The following CABIN1 variants were observed in gnomAD, a reference collection of about 807,000 sequenced individuals.
CABIN1 encodes calcineurin binding protein 1, also known as calcineurin-binding protein cabin-1.
In CABIN1, 133 loss-of-function variants were observed where a neutral mutation model predicts 227.7. The ratio of observed to expected loss-of-function variants is 0.58; its 90% confidence interval spans 0.51 to 0.67. The LOEUF is 0.67. Among genes scored for constraint, CABIN1 ranks in the 30% least tolerant of loss-of-function variants. The pLI, the probability that CABIN1 is intolerant of heterozygous loss-of-function variation, is 0.00. For synonymous variants in CABIN1, 1,086 were observed against 1,155.1 expected (o/e 0.94, Z 1.21); for missense variants, 2,408 against 2,852.5 (o/e 0.84, Z 3.55).
At chr22:24,109,889 G>A (rs1483954433) in intron 26 of CABIN1, among the ~76,000 whole-genome samples, 3 of 152,208 alleles carry the variant, frequency 2.0e-5, no homozygotes, top group Non-Finnish European at 2.9e-5. Context: ...ATAGTTCTCA[G>A]CCGGGCGTGG....
At chr22:24,076,308 A>G (rs758371141) in intron 19 of CABIN1, 24 bp downstream of exon 19, 1 of 1,586,966 alleles carries the variant, frequency 6.3e-7, no homozygotes, top group Non-Finnish European at 8.7e-7. Flanking sequence ...CTTGGGCTGC[A>G]GACTGCCAGT....
chr22:24,165,325 G>C lies in CABIN1; in HGVS notation c.4911-205G>C, dbSNP rs555089429. Among the ~76,000 whole-genome samples, 7 of 152,366 alleles carry C rather than the reference G, an allele frequency of 4.6e-5. No homozygotes were observed. In the East Asian group the frequency reaches 7.7e-4, roughly 17 times the overall value. On this transcript the variant is annotated intron_variant, in intron 30 of 36. Transcript: ENST00000263119. ...CAGAGGGCCTAAGGGCAACAGGCTG[G>C]TGCCGGGTCAGAGGCCTACTGGCTC...
chr22:24,071,158 A>G, intron 17 of CABIN1, 116 bp downstream of exon 17: 1 of 1,418,900 alleles, frequency 7.0e-7, no homozygotes, highest in Non-Finnish European at 9.8e-7. Context: ...AGGGGACATG[A>G]TGGCTTCTTT....
chr22:24,124,633 T>C (rs1294307226), intron 28 of CABIN1, among the ~76,000 whole-genome samples: 1 of 152,246 alleles, frequency 6.6e-6, no homozygotes, highest in African/African-American at 2.4e-5. Context: ...GGCCTGAGTC[T>C]ACACTCATAG....
intron 1 of CABIN1, among the ~76,000 whole-genome samples, chr22:24,019,120 GTTTTTTTTTTTTTTTTT>G (rs945660140): frequency 2.5e-5 from 1 of 40,176 alleles, no homozygotes; most frequent in Admixed American, 4.2e-4. Flanking sequence ...ACTGAGTGTT[GTTTTTTTTTTTTTTTTT>G]TTTTTTTTTT....
At chr22:24,022,647 G>C (rs2035806846) in intron 1 of CABIN1, among the ~76,000 whole-genome samples, 1 of 152,160 alleles carries the variant, frequency 6.6e-6, no homozygotes, top group Non-Finnish European at 1.5e-5. Flanking sequence ...AGTGTATGTT[G>C]AGTTTTATAA....
At chr22:24,098,227 G>A in intron 26 of CABIN1, 35 bp downstream of exon 26, 1 of 1,613,030 alleles carries the variant, frequency 6.2e-7, no homozygotes, top group Non-Finnish European at 8.5e-7. Context: ...CCAGCCCAGG[G>A]CGGCACATCA....
intron 27 of CABIN1, among the ~76,000 whole-genome samples, chr22:24,118,569 G>A (rs558399276): frequency 1.1e-3 from 172 of 152,266 alleles, no homozygotes; most frequent in Middle Eastern, 3.4e-3. Context: ...AGGGCGTGCC[G>A]TGCTCCTGAG....
chr22:24,017,212 T>C (rs2035367396), intron 1 of CABIN1, among the ~76,000 whole-genome samples: 1 of 152,020 alleles, frequency 6.6e-6, no homozygotes, highest in Non-Finnish European at 1.5e-5. Context: ...AATTTTTTTG[T>C]ATTTTTAGCA....
rs1354360612 is a variant in CABIN1, at chr22:24,135,651, C to T, written c.4746+1236C>T. Among the ~76,000 whole-genome samples, 9 of 152,366 alleles carry T rather than the reference C, an allele frequency of 5.9e-5. No homozygotes were observed. In the South Asian group the frequency reaches 1.7e-3, roughly 28 times the overall value. The stretch of plus-strand genomic sequence containing the variant: ...CTTACCTATCCACCGCCCCTCCCAG[C>T]ATGGCCAGCTCCCAGCTGGATGACT... On this transcript the variant is annotated intron_variant, in intron 29 of 36. Transcript: ENST00000263119.
At chr22:24,056,160 G>A (rs534063949) in intron 9 of CABIN1, 32 bp from the exon 10 acceptor site, 18 of 1,603,158 alleles carry the variant, frequency 1.1e-5, no homozygotes, top group South Asian at 3.3e-5. Flanking sequence ...CCCTGCCACC[G>A]TGTAAGATTT....
At position 24,056,197 on chromosome 22, in the gene CABIN1, A is replaced by C; in HGVS notation, c.1099A>C (p.Ile367Leu). The C allele has an allele frequency of 1.9e-6, 3 of 1,613,846 alleles. No individual in the cohort carries two copies. The highest frequency in any genetic ancestry group is 2.5e-6 in the Non-Finnish European group (3 of 1,179,898). The change falls in exon 10 of 37, where the codon ATT (isoleucine) becomes CTT (leucine). Residue 367 changes from isoleucine (I) to leucine (L), a missense_variant. Coordinates refer to ENST00000263119, the MANE Select transcript of CABIN1 (RefSeq NM_012295.4). ...LLETGAPVGD[I>L]SGGDKSKKGV... ...AATTTGCATTCTTTGTGAAGGTGAT[A>C]TTTCTGGGGGAGATAAATCCAAGAA...
At position 24,083,392 on chromosome 22, in the gene CABIN1, G is replaced by A; in HGVS notation, c.2910+3G>A. On this transcript the variant is annotated splice_donor_region_variant and intron_variant, in intron 20 of 36. Coordinates refer to ENST00000263119, the MANE Select transcript of CABIN1 (RefSeq NM_012295.4). ...TGGAGGAACACTCGGCCCAGCAGGT[G>A]AGGGTGCTGCAATAGGCCCAACAAA... is the stretch of plus-strand genomic sequence containing the variant. 6.2e-7 allele frequency: 1 copy of A among 1,613,890 alleles called. No individual in the cohort carries two copies. Among genetic ancestry groups the A allele is most frequent in the Non-Finnish European group, 8.5e-7 (1 of 1,180,022 alleles).
chr22:24,153,714 C>T (rs1004108320), intron 29 of CABIN1, among the ~76,000 whole-genome samples: 3 of 152,110 alleles, frequency 2.0e-5, no homozygotes, highest in Non-Finnish European at 2.9e-5. Flanking sequence ...GCACAGAGTG[C>T]AGGACATCGT....
chr22:24,113,645 A>G lies in CABIN1; in HGVS notation c.4197A>G (p.Leu1399=). 6.2e-7 allele frequency: 1 copy of G among 1,614,022 alleles called. No individual in the cohort carries two copies. ...ACTTCTTTAATGAGCCCACCAGCTT[A>G]CTGGAAGGCTCCAGGAAATCCTACA... ...TQDFFNEPTS[L]LEGSRKSYTE... The change falls in exon 27 of 37, where the codon TTA becomes TTG. Residue 1399 remains leucine, a synonymous_variant. Transcript: ENST00000263119.
At chr22:24,092,685 A>G (rs1207217953) in intron 24 of CABIN1, among the ~76,000 whole-genome samples, 1 of 97,798 alleles carries the variant, frequency 1.0e-5, no homozygotes, top group Non-Finnish European at 2.0e-5. Flanking sequence ...CCTGATTATA[A>G]AAGTGTGTGT....
chr22:24,119,575 G>A lies in CABIN1; in HGVS notation c.4509G>A (p.Glu1503=), dbSNP rs747739912. ...AGGGGCTGCCGGCTGGTGCTGAGGA[G>A]CAGCGGCAGTTTCTCACAGAGCAGT... is the stretch of plus-strand genomic sequence containing the variant. The part of the protein sequence containing the change: ...FPQGLPAGAE[E]QRQFLTEQCI... Residue 1503 remains glutamate (E), a synonymous_variant, in exon 28 of 37, where the codon GAG becomes GAA. Coordinates refer to ENST00000263119, the MANE Select transcript of CABIN1 (RefSeq NM_012295.4). 6.2e-7 allele frequency: 1 copy of A among 1,613,488 alleles called. No individual in the cohort carries two copies. The highest frequency in any genetic ancestry group is 1.1e-5 in the South Asian group (1 of 91,082).
chr22:24,036,169 A>G lies in CABIN1; in HGVS notation c.84A>G (p.Thr28=). The G allele has an allele frequency of 1.9e-6, 3 of 1,611,920 alleles. No homozygotes were observed. The highest frequency in any genetic ancestry group is 2.5e-6 in the Non-Finnish European group (3 of 1,178,204). ...GCTTTAAAAGTCACAAAACCCAGAC[A>G]AAGGAGGCTCAGGTACGTAATGCGA... ...EGSFKSHKTQ[T]KEAQEAEAFA... The change falls in exon 3 of 37, where the codon ACA becomes ACG. Residue 28 remains threonine, a synonymous_variant. Transcript: ENST00000263119.
chr22:24,058,276 A>C (rs2038946119), intron 10 of CABIN1, among the ~76,000 whole-genome samples: 1 of 151,988 alleles, frequency 6.6e-6, no homozygotes, highest in Non-Finnish European at 1.5e-5. Context: ...TTCTGCCTCC[A>C]CCTCCCAAAA....
Sources: allele counts gnomAD v4.1 joint callset (sites outside exome capture counted in the v4.1 genomes callset), GRCh38; gene constraint gnomAD v4.1.1; transcripts MANE v1.5; gene names NCBI Gene and HGNC (gene_info 2026-07-23, HGNC 2026-07-21).